PEX26: variants seen among roughly 807,000 people sequenced by gnomAD.
PEX26 encodes the protein peroxisome assembly protein 26.
In PEX26, 18 loss-of-function variants were observed where a neutral mutation model predicts 31.4. The observed-to-expected ratio is 0.57, with a 90% CI of 0.40 to 0.85. The LOEUF is 0.85. PEX26 is among the 40% of genes least tolerant of loss of function. The probability of loss-of-function intolerance (pLI) is 0.00; values close to 1 mark genes in which losing one functional copy is unlikely to be tolerated. For missense variants in PEX26, 377 were observed against 383.9 expected (o/e 0.98, Z 0.15); for synonymous variants, 176 against 166.9 (o/e 1.05, Z -0.42).
chr22:18,087,387 G>A (rs361818), intron 4 of PEX26, among the ~76,000 whole-genome samples: 128,414 of 152,142 alleles, frequency 0.84, 54,891 homozygotes, highest in East Asian at 0.93. Context: ...CGAGGTTTCC[G>A]TCACATAGCT....
intron 4 of PEX26, among the ~76,000 whole-genome samples, chr22:18,087,371 G>A (rs1418610898): frequency 6.6e-6 from 1 of 152,178 alleles, no homozygotes; most frequent in Non-Finnish European, 1.5e-5. Context: ...CATCATGCCT[G>A]GCCAGCGAGG....
intron 3 of PEX26, among the ~76,000 whole-genome samples, chr22:18,084,721 C>T (rs1205453123): frequency 6.6e-6 from 1 of 150,754 alleles, no homozygotes; most frequent in Admixed American, 6.6e-5. Context: ...TTTTACTAAA[C>T]TCTTTTTTTT....
chr22:18,100,988 A>G lies in PEX26; in HGVS notation c.*12913A>G, dbSNP rs1281980626. 2 of 152,192 alleles carry G rather than the reference A, an allele frequency of 1.3e-5. No homozygotes were observed. The highest frequency in any genetic ancestry group is 2.9e-5 in the Non-Finnish European group (2 of 68,044). 9.4% of individuals were successfully genotyped at this position (152,192 alleles called of 1,614,324 possible). A position where few individuals can be genotyped will look rare whatever the true frequency, so the allele number is the denominator to read the frequency against. ...CAACAGGAATGAATGCCGACTTAGC[A>G]TTTTTGCCTTCACAGCGCTGGCAAC... On this transcript the variant is annotated 3_prime_UTR_variant, in exon 5 of 5. Transcript: ENST00000399744.
Position 18,078,099 on chromosome 22 carries a change from T to A in PEX26, c.-278T>A, listed in dbSNP as rs927051215. 1.6e-6 allele frequency: 1 copy of A among 608,910 alleles called. No homozygotes were observed. The highest frequency in any genetic ancestry group is 3.1e-6 in the Non-Finnish European group (1 of 325,840). 37.7% of individuals were successfully genotyped at this position (608,910 alleles called of 1,614,324 possible). ...CCGGAGCTGAGGCAGTTCCTGCACG[T>A]GTCGCGGGGCCGGAGAAGCTAGGGC... On this transcript the variant is annotated 5_prime_UTR_variant, in exon 1 of 5. Transcript: ENST00000399744.
rs1239135754 is a variant in PEX26 at position 18,093,133 on chromosome 22, A to G, written c.*5058A>G. 1.3e-5 allele frequency: 2 copies of G among 152,334 alleles called. No homozygotes were observed. Among genetic ancestry groups the G allele is most frequent in the South Asian group, 2.1e-4 (1 of 4,828 alleles). 9.4% of individuals were successfully genotyped at this position (152,334 alleles called of 1,614,324 possible). ...TTGTTTTTTCTTTGTGCAGATACAT[A>G]CAGAGACTGGGATATGTAAAAATTA... On this transcript the variant is annotated 3_prime_UTR_variant, in exon 5 of 5. Transcript: ENST00000399744.
chr22:18,081,261 C>CACAT (rs1926588240), intron 2 of PEX26, among the ~76,000 whole-genome samples: 1 of 141,132 alleles, frequency 7.1e-6, no homozygotes, highest in Non-Finnish European at 1.6e-5. Context: ...CACACACACA[C>CACAT]ACACACACAC....
At chr22:18,085,059 G>T in intron 3 of PEX26, 53 bp from the exon 4 acceptor site, 1 of 1,604,050 alleles carries the variant, frequency 6.2e-7, no homozygotes, top group East Asian at 2.2e-5. Flanking sequence ...GTCGGGGTCA[G>T]GGAAGCTGAT....
rs3747035 is a variant in PEX26 at position 18,078,942 on chromosome 22, G to A, written c.230+336G>A. On this transcript the variant is annotated intron_variant, in intron 1 of 4. Transcript: ENST00000399744. ...TCTCCCAGGTACCTCCGCCCTCCCC[G>A]CCCCGCCCAAGGTTGTTTATTCCTG... 2.7e-5 allele frequency: 12 copies of A among 447,358 alleles called. No homozygotes were observed. The East Asian group carries it at 4.1e-4, about 15-fold the overall frequency. 27.7% of individuals were successfully genotyped at this position (447,358 alleles called of 1,614,324 possible).
rs1927476916 is a variant in PEX26 at position 18,102,417 on chromosome 22, G to A, written c.*14342G>A. 6.5e-6 allele frequency: 1 copy of A among 154,388 alleles called. No individual in the cohort carries two copies. Among genetic ancestry groups the A allele is most frequent in the South Asian group, 2.1e-4 (1 of 4,858 alleles). 9.6% of individuals were successfully genotyped at this position (154,388 alleles called of 1,614,324 possible). A position where few individuals can be genotyped will look rare whatever the true frequency, so the allele number is the denominator to read the frequency against. On this transcript the variant is annotated 3_prime_UTR_variant, in exon 5 of 5. Transcript: ENST00000399744. ...AGCCTCTCCAAGCCAGTGGGCTGGT[G>A]ACATCCAGGATGATCCTCTTCCTTG...
At position 18,096,272 on chromosome 22, in the gene PEX26, T is replaced by C. The variant is rs1002690495; in HGVS notation, c.*8197T>C. On this transcript the variant is annotated 3_prime_UTR_variant, in exon 5 of 5. Transcript: ENST00000399744. ...GCATGTAGTGAGCAGGTGCTAGTTA[T>C]TATTACTGTTGCTCTTAATTAAGTG... 1 of 152,246 alleles carries C rather than the reference T, an allele frequency of 6.6e-6. No homozygotes were observed. Among genetic ancestry groups the C allele is most frequent in the Non-Finnish European group, 1.5e-5 (1 of 68,056 alleles). The allele number at this position is 152,246 out of a possible 1,614,324, so 9.4% of individuals were successfully genotyped here. A position where few individuals can be genotyped will look rare whatever the true frequency, so the allele number is the denominator to read the frequency against.
chr22:18,078,854 T>C, intron 1 of PEX26: 2 of 679,986 alleles, frequency 2.9e-6, no homozygotes, highest in South Asian at 1.5e-5. Flanking sequence ...TACAATGACA[T>C]GATGGGAAGG....
intron 4 of PEX26, among the ~76,000 whole-genome samples, chr22:18,086,685 A>T (rs1337237010): frequency 6.6e-6 from 1 of 152,120 alleles, no homozygotes; most frequent in Non-Finnish European, 1.5e-5. Flanking sequence ...GTTATGTTCT[A>T]ATCTCTACTC....
chr22:18,080,662 G>A (rs899152041), intron 2 of PEX26, among the ~76,000 whole-genome samples: 2 of 152,128 alleles, frequency 1.3e-5, no homozygotes, highest in African/African-American at 4.8e-5. Context: ...ATTGACACTT[G>A]TACATATTTA....
rs1927579211 is a variant in PEX26, at chr22:18,105,180, T to C, written c.*17105T>C. The C allele has an allele frequency of 6.6e-6, 1 of 152,148 alleles. No homozygotes were observed. The allele number at this position is 152,148 out of a possible 1,614,324, so 9.4% of individuals were successfully genotyped here. On this transcript the variant is annotated 3_prime_UTR_variant, in exon 5 of 5. Coordinates refer to ENST00000399744, the MANE Select transcript of PEX26 (RefSeq NM_001127649.3). The stretch of plus-strand genomic sequence containing the variant: ...CACCATCCTGGAGCAGCATCCTGGA[T>C]ATTGGAACTCTGAAGTCTAACCTAA...
Position 18,081,111 on chromosome 22 carries a change from G to A in PEX26, c.371+1097G>A, listed in dbSNP as rs145033325. Among the ~76,000 whole-genome samples, 85 of 143,492 alleles carry A rather than the reference G, an allele frequency of 5.9e-4. No individual in the cohort carries two copies. The East Asian group carries it at 0.013, about 23-fold the overall frequency. The allele number at this position is 143,492 out of a possible 152,430, so 94.1% of individuals were successfully genotyped here. On this transcript the variant is annotated intron_variant, in intron 2 of 4. Transcript: ENST00000399744. ...CAGGTCCACCTGTGTTGTCATGAAT[G>A]ACAAGATTTCATTCTTTTTTATGGC...
At position 18,083,638 on chromosome 22, in the gene PEX26, G is replaced by A; in HGVS notation, c.573G>A (p.Arg191=). 1.2e-6 allele frequency: 2 copies of A among 1,614,100 alleles called. No homozygotes were observed. The highest frequency in any genetic ancestry group is 1.7e-6 in the Non-Finnish European group (2 of 1,180,036). Residue 191 remains arginine, a synonymous_variant, in exon 3 of 5, where the codon CGG becomes CGA. Coordinates refer to ENST00000399744, the MANE Select transcript of PEX26 (RefSeq NM_001127649.3). ...VVGSAAFGEE[R]RLDVLQAIHT... is the part of the protein sequence containing the mutation. ...GCTCTGCAGCCTTTGGTGAGGAGCG[G>A]CGACTGGATGTACTTCAGGCCATTC...
Position 18,078,260 on chromosome 22 carries a change from T to C in PEX26, c.-117T>C. ...GGGGAATCGACCTCGGGAAGGGGTG[T>C]GGGCAAAGAGATGAGGACTCTCCCT... On this transcript the variant is annotated 5_prime_UTR_variant, in exon 1 of 5. Coordinates refer to ENST00000399744, the MANE Select transcript of PEX26 (RefSeq NM_001127649.3). 1 of 784,616 alleles carries C rather than the reference T, an allele frequency of 1.3e-6. No homozygotes were observed. Among genetic ancestry groups the C allele is most frequent in the East Asian group, 2.7e-5 (1 of 37,616 alleles). 48.6% of individuals were successfully genotyped at this position (784,616 alleles called of 1,614,324 possible).
rs1282892042 is a variant in PEX26, at chr22:18,105,024, A to G, written c.*16949A>G. On this transcript the variant is annotated 3_prime_UTR_variant, in exon 5 of 5. Transcript: ENST00000399744. Reference sequence around the variant, plus strand: ...TGAATCTAGATAATCTAATGGTAAGATATCGTTTGCTCTCTGGACTTCATG... The same window carrying G: ...TGAATCTAGATAATCTAATGGTAAGGTATCGTTTGCTCTCTGGACTTCATG... The G allele has an allele frequency of 6.6e-6, 1 of 152,178 alleles. No homozygotes were observed. Among genetic ancestry groups the G allele is most frequent in the Non-Finnish European group, 1.5e-5 (1 of 68,038 alleles). 9.4% of individuals were successfully genotyped at this position (152,178 alleles called of 1,614,324 possible).
chr22:18,079,625 C>T (rs1926465249), intron 1 of PEX26, among the ~76,000 whole-genome samples: 2 of 152,180 alleles, frequency 1.3e-5, no homozygotes, highest in Non-Finnish European at 2.9e-5. Flanking sequence ...AATCTGATTT[C>T]ACCTGGATAC....
Sources: allele counts gnomAD v4.1 joint callset (sites outside exome capture counted in the v4.1 genomes callset), GRCh38; gene constraint gnomAD v4.1.1; transcripts MANE v1.5; gene names NCBI Gene and HGNC (gene_info 2026-07-23, HGNC 2026-07-21).